RMND5B: variants seen among roughly 807,000 people sequenced by gnomAD.
RMND5B encodes E3 ubiquitin-protein transferase RMND5B.
RMND5B carries 42 observed loss-of-function variants against 50.4 expected under a neutral mutation model. The ratio of observed to expected loss-of-function variants is 0.83; its 90% confidence interval spans 0.65 to 1.08. The LOEUF (loss-of-function observed/expected upper bound fraction) is 1.08, where lower values mean the gene tolerates loss of function less well. RMND5B is among the 50% of genes least tolerant of loss of function. The pLI, the probability that RMND5B is intolerant of heterozygous loss-of-function variation, is 0.00. For missense variants in RMND5B, 463 were observed against 508.5 expected (o/e 0.91, Z 0.86); for synonymous variants, 220 against 210.0 (o/e 1.05, Z -0.41).
chr5:178,147,419 CCG>C, intron 8 of RMND5B, 112 bp from the exon 9 acceptor site: 4 of 721,374 alleles, frequency 5.5e-6, no homozygotes, highest in Non-Finnish European at 9.4e-6. Context: ...ACCGATTTGA[CCG>C]TGCACCATTT....
At position 178,138,368 on chromosome 5, in the gene RMND5B, C is replaced by A. The variant is rs940782732; in HGVS notation, c.139+110C>A. 5 of 1,464,954 alleles carry A rather than the reference C, an allele frequency of 3.4e-6. No individual in the cohort carries two copies. The highest frequency in any genetic ancestry group is 1.4e-5 in the African/African-American group (1 of 70,808). The allele number at this position is 1,464,954 out of a possible 1,614,324, so 90.7% of individuals were successfully genotyped here. A position where few individuals can be genotyped will look rare whatever the true frequency, so the allele number is the denominator to read the frequency against. On this transcript the variant is annotated intron_variant, in intron 3 of 10. Transcript: ENST00000313386. The surrounding 1 kb of genome is among the most constrained non-coding windows in gnomAD (Gnocchi z 5.1). ...AAGGACGATGATGAGGATGTTGGTA[C>A]CTGCATCTGTAGGCCTCCTTGAAAC...
chr5:178,143,241 T>C (rs1258329348), intron 5 of RMND5B, among the ~76,000 whole-genome samples: 1 of 152,214 alleles, frequency 6.6e-6, no homozygotes, highest in Non-Finnish European at 1.5e-5. Context: ...AAAAGGGAGC[T>C]GAGTGAAATG....
At chr5:178,143,575 C>A in intron 5 of RMND5B, 52 bp from the exon 6 acceptor site, 2 of 1,399,630 alleles carry the variant, frequency 1.4e-6, no homozygotes, top group Non-Finnish European at 2.0e-6. Context: ...TAGCAGAGAA[C>A]TTTGGAAACA....
intron 2 of RMND5B, among the ~76,000 whole-genome samples, chr5:178,131,892 G>C (rs1758330147): frequency 6.6e-6 from 1 of 152,036 alleles, no homozygotes; most frequent in South Asian, 2.1e-4. Flanking sequence ...ATTGGGGTTT[G>C]GTCACATAGA....
At chr5:178,146,015 G>C in intron 7 of RMND5B, 99 bp from the exon 8 acceptor site, 1 of 1,270,850 alleles carries the variant, frequency 7.9e-7, no homozygotes, top group Non-Finnish European at 1.1e-6. Context: ...GAGCCACCGG[G>C]CTCAGCATAT....
intron 2 of RMND5B, among the ~76,000 whole-genome samples, chr5:178,131,639 G>A (rs1431928882): frequency 1.3e-5 from 2 of 152,058 alleles, no homozygotes; most frequent in Admixed American, 1.3e-4. Flanking sequence ...GGGGCGGAGG[G>A]GTCAGTATTA....
chr5:178,147,946 T>C, intron 10 of RMND5B, 23 bp from the exon 11 acceptor site: 1 of 1,614,180 alleles, frequency 6.2e-7, no homozygotes, highest in Non-Finnish European at 8.5e-7. Flanking sequence ...CCTGAGACGT[T>C]CTCGGTTCTC....
intron 7 of RMND5B, among the ~76,000 whole-genome samples, chr5:178,145,062 T>G (rs956033766): frequency 6.6e-6 from 1 of 152,196 alleles, no homozygotes; most frequent in Non-Finnish European, 1.5e-5. Context: ...TTATTTATTT[T>G]TGAGACAAAG....
intron 2 of RMND5B, chr5:178,135,295 G>A (rs759166613): frequency 1.1e-4 from 23 of 218,420 alleles, no homozygotes; most frequent in South Asian, 8.2e-4. Flanking sequence ...GACCACAGGC[G>A]TGTGCCACCA....
Position 178,138,256 on chromosome 5 carries a change from C to T in RMND5B, c.137C>T (p.Ala46Val). ...CAGCTGCGGGCTGAGCTGGCCAGCG[C>T]AGGTGGGTGGCCACCCTTGCAAGTG... ...VGQLRAELAS[A>V]ALQGTPLSAT... is the part of the protein sequence containing the mutation. Residue 46 changes from alanine (A) to valine (V), a missense_variant and splice_region_variant, in exon 3 of 11, where the codon GCA (alanine) becomes GTA (valine). By Grantham distance (64) the Ala-to-Val change is moderately conservative. Transcript: ENST00000313386. The surrounding 1 kb of genome is among the most constrained non-coding windows in gnomAD (Gnocchi z 5.1). 6.2e-7 allele frequency: 1 copy of T among 1,612,800 alleles called. No homozygotes were observed.
At chr5:178,147,477 CT>C in intron 8 of RMND5B, 55 bp from the exon 9 acceptor site, 1 of 1,475,602 alleles carries the variant, frequency 6.8e-7, no homozygotes, top group Non-Finnish European at 9.4e-7. Flanking sequence ...CGCGCTGGCC[CT>C]TTTTGCCTGT....
chr5:178,139,604 C>T (rs897043183), intron 3 of RMND5B, among the ~76,000 whole-genome samples: 7 of 148,422 alleles, frequency 4.7e-5, no homozygotes, highest in East Asian at 4.0e-4. Context: ...AGTGCAATGG[C>T]GCAATCTCGG....
At chr5:178,142,456 T>C in intron 3 of RMND5B, 127 bp from the exon 4 acceptor site, 1 of 1,091,394 alleles carries the variant, frequency 9.2e-7, no homozygotes, top group Non-Finnish European at 1.3e-6. Context: ...AAGCTAGTTC[T>C]TTCACCCTGG....
At position 178,148,429 on chromosome 5, in the gene RMND5B, G is replaced by A. The variant is rs994287996; in HGVS notation, c.*397G>A. 9.9e-6 allele frequency: 3 copies of A among 304,032 alleles called. No individual in the cohort carries two copies. The highest frequency in any genetic ancestry group is 6.5e-5 in the African/African-American group (3 of 46,304). The allele number at this position is 304,032 out of a possible 1,614,324, so 18.8% of individuals were successfully genotyped here. A position where few individuals can be genotyped will look rare whatever the true frequency, so the allele number is the denominator to read the frequency against. On this transcript the variant is annotated 3_prime_UTR_variant, in exon 11 of 11. Transcript: ENST00000313386. ...TGTCCACCCTTGCCCCTCGGCCCAA[G>A]AGTGTCCAGCGGTGGCCCACCTCTT...
At chr5:178,140,274 A>G (rs1185137569) in intron 3 of RMND5B, among the ~76,000 whole-genome samples, 1 of 152,038 alleles carries the variant, frequency 6.6e-6, no homozygotes, top group Non-Finnish European at 1.5e-5. Flanking sequence ...CCTGGGCTCA[A>G]GTGATCCTAC....
rs1436644053 is a variant in RMND5B at position 178,147,530 on chromosome 5, C to T, written c.861-3C>T. On this transcript the variant is annotated splice_polypyrimidine_tract_variant and splice_region_variant and intron_variant, in intron 8 of 10. Coordinates refer to ENST00000313386, the MANE Select transcript of RMND5B (RefSeq NM_022762.5). ...CACTCTAGCCCCTGTTCCTTGTCTGCAGCTTTGCCTCTGGCTGTGTGGCGC... is the reference window on the plus strand; with the variant it reads ...CACTCTAGCCCCTGTTCCTTGTCTGTAGCTTTGCCTCTGGCTGTGTGGCGC... The T allele has an allele frequency of 8.1e-6, 13 of 1,613,498 alleles. No individual in the cohort carries two copies. The highest frequency in any genetic ancestry group is 1.1e-5 in the Non-Finnish European group (13 of 1,179,674).
At position 178,149,734 on chromosome 5, in the gene RMND5B, C is replaced by A. The variant is rs757655789; in HGVS notation, c.*1702C>A. 5.0e-6 allele frequency: 8 copies of A among 1,614,062 alleles called. No individual in the cohort carries two copies. The Admixed American group carries it at 1.3e-4, about 27-fold the overall frequency. On this transcript the variant is annotated 3_prime_UTR_variant, in exon 11 of 11. Transcript: ENST00000313386. The stretch of plus-strand genomic sequence containing the variant: ...CCCCTCATAGGGGTAGGGGCAGGGA[C>A]TGCACCTCCTCCAGGCACTCATCGT...
Position 178,143,984 on chromosome 5 carries a change from C to T in RMND5B, c.570C>T (p.Ser190=), listed in dbSNP as rs760364999. ...SHRQRLLELN[S]SLEFKLHRLH... is the part of the protein sequence containing the mutation. ...GGCAGCGCCTGCTGGAACTCAACAG[C>T]TCCCTGGAGTTCAAGCTGCACCGAC... Residue 190 remains serine (S), a synonymous_variant, in exon 7 of 11, where the codon AGC becomes AGT. Transcript: ENST00000313386. 1.2e-6 allele frequency: 2 copies of T among 1,614,268 alleles called. No individual in the cohort carries two copies. Among genetic ancestry groups the T allele is most frequent in the South Asian group, 1.1e-5 (1 of 91,092 alleles).
intron 2 of RMND5B, among the ~76,000 whole-genome samples, chr5:178,132,748 T>TA (rs1758390084): frequency 7.0e-6 from 1 of 143,350 alleles, no homozygotes; most frequent in Non-Finnish European, 1.5e-5. Flanking sequence ...TTTTTTTTTT[T>TA]TTTTTTAAGC....
Sources: allele counts gnomAD v4.1 joint callset (sites outside exome capture counted in the v4.1 genomes callset), GRCh38; gene constraint gnomAD v4.1.1; non-coding constraint Gnocchi (gnomAD v3.1); transcripts MANE v1.5; gene names NCBI Gene and HGNC (gene_info 2026-07-23, HGNC 2026-07-21).